VPS37C: variants seen among roughly 807,000 people sequenced by gnomAD.
VPS37C encodes VPS37C subunit of ESCRT-I.
A neutral mutation model predicts 16.1 loss-of-function variants in VPS37C; 9 were observed. That is an observed-to-expected ratio of 0.56 (90% CI 0.34 to 0.97). The LOEUF (loss-of-function observed/expected upper bound fraction) is 0.97. VPS37C is among the 50% of genes least tolerant of loss of function. VPS37C has a pLI of 0.02. For missense variants in VPS37C, 479 were observed against 472.7 expected (o/e 1.01, Z -0.12); for synonymous variants, 207 against 206.4 (o/e 1.00, Z -0.02).
At chr11:61,156,854 A>G (rs1003970961) in intron 1 of VPS37C, among the ~76,000 whole-genome samples, 18 of 152,186 alleles carry the variant, frequency 1.2e-4, no homozygotes, top group Non-Finnish European at 2.9e-5. Context: ...TCATCACCCT[A>G]AACTGAAATT....
At chr11:61,151,802 C>T (rs1302242913) in intron 1 of VPS37C, among the ~76,000 whole-genome samples, 1 of 152,188 alleles carries the variant, frequency 6.6e-6, no homozygotes, top group Non-Finnish European at 1.5e-5. Context: ...CATTCAGCGT[C>T]AATCAAAATG....
intron 4 of VPS37C, 46 bp from the exon 5 acceptor site, chr11:61,132,585 G>T (rs778876568): frequency 1.3e-6 from 2 of 1,522,560 alleles, no homozygotes; most frequent in Non-Finnish European, 1.8e-6. Context: ...CTGGGATCAA[G>T]GCCTCTTGAT....
intron 1 of VPS37C, among the ~76,000 whole-genome samples, chr11:61,149,157 A>G (rs1565195451): frequency 1.3e-5 from 2 of 152,308 alleles, no homozygotes; most frequent in East Asian, 1.9e-4. Flanking sequence ...GTGGTGGCAC[A>G]CGCCTGTAGT....
chr11:61,134,978 AGAG>A (rs1170421804), intron 2 of VPS37C, among the ~76,000 whole-genome samples: 2 of 152,230 alleles, frequency 1.3e-5, no homozygotes, highest in African/African-American at 4.8e-5. Flanking sequence ...CCTCTTCCTA[AGAG>A]GAGGGCTGAG....
At position 61,132,451 on chromosome 11, in the gene VPS37C, C is replaced by G; in HGVS notation, c.437G>C (p.Arg146Pro). Residue 146 changes from arginine to proline, a missense_variant, in exon 5 of 5, where the codon CGC becomes CCC. By Grantham distance (103) the Arg-to-Pro change is moderately radical. Transcript: ENST00000301765. ...CTGGAGCTTTTCCACGCGAACCCGGCGCAGGTGGGACAGCATCCTCATGGA... is the reference window on the plus strand; with the variant it reads ...CTGGAGCTTTTCCACGCGAACCCGGGGCAGGTGGGACAGCATCCTCATGGA... ...FSSMRMLSHL[R>P]RVRVEKLQEV... The G allele has an allele frequency of 1.2e-6, 2 of 1,613,056 alleles. No homozygotes were observed. The highest frequency in any genetic ancestry group is 1.7e-6 in the Non-Finnish European group (2 of 1,179,656).
intron 2 of VPS37C, among the ~76,000 whole-genome samples, chr11:61,137,552 A>C (rs1861399853): frequency 1.3e-5 from 2 of 152,214 alleles, no homozygotes. Flanking sequence ...AGTGCTTAAT[A>C]TGTGACAAAG....
intron 1 of VPS37C, among the ~76,000 whole-genome samples, chr11:61,146,661 C>A (rs628963): frequency 1.3e-5 from 2 of 152,198 alleles, no homozygotes; most frequent in Admixed American, 1.3e-4. Context: ...GGGGTGATAT[C>A]ATCAACTCGA....
At chr11:61,133,559 C>T (rs954795066) in intron 3 of VPS37C, among the ~76,000 whole-genome samples, 6 of 152,162 alleles carry the variant, frequency 3.9e-5, no homozygotes, top group Non-Finnish European at 8.8e-5. Flanking sequence ...GCCTACCCTA[C>T]GCCATCCTGG....
intron 1 of VPS37C, among the ~76,000 whole-genome samples, chr11:61,154,897 G>C (rs1198420979): frequency 6.6e-6 from 1 of 151,860 alleles, no homozygotes. Context: ...TTGAGCCCAG[G>C]AGTTTTCGAC....
In VPS37C at chr11:61,151,537, A is replaced by G. The variant is rs552830554; in HGVS notation, c.-7+9854T>C. On this transcript the variant is annotated intron_variant, in intron 1 of 4. Transcript: ENST00000301765. ...TCTCTGTGCCTCAGTGTCTTCTATAAGATGGAGCTTTTGTAAGGAGGAATT... is the reference window on the plus strand; with the variant it reads ...TCTCTGTGCCTCAGTGTCTTCTATAGGATGGAGCTTTTGTAAGGAGGAATT... Among the ~76,000 whole-genome samples the G allele has an allele frequency of 3.0e-4, 45 of 152,194 alleles. 1 individual carries two copies. The highest frequency in any genetic ancestry group is 5.7e-4 in the Non-Finnish European group (39 of 68,038).
At chr11:61,152,949 C>A (rs1430109206) in intron 1 of VPS37C, among the ~76,000 whole-genome samples, 10 of 152,210 alleles carry the variant, frequency 6.6e-5, no homozygotes, top group Non-Finnish European at 1.5e-4. Context: ...GTTCATCCTG[C>A]CTTCCATGGT....
chr11:61,134,078 G>A lies in VPS37C; in HGVS notation c.223C>T (p.Arg75Trp), dbSNP rs925976888. ...TCCTGGCACCGCTCCACGAGCTTCC[G>A]GAGCTCCTGGTATCTATCCGAGAGG... ...SNLSDRYQEL[R>W]KLVERCQEQK... is the part of the protein sequence containing the mutation. The change falls in exon 3 of 5, where the codon CGG becomes TGG. Residue 75 changes from arginine to tryptophan, a missense_variant. Arg to Trp is a moderately radical substitution (Grantham distance 101). Transcript: ENST00000301765. 1.4e-5 allele frequency: 22 copies of A among 1,613,196 alleles called. No individual in the cohort carries two copies. The highest frequency in any genetic ancestry group is 3.3e-4 in the Middle Eastern group (2 of 6,076).
chr11:61,146,582 G>T (rs925776655), intron 1 of VPS37C, among the ~76,000 whole-genome samples: 40 of 152,310 alleles, frequency 2.6e-4, no homozygotes, highest in African/African-American at 9.4e-4. Flanking sequence ...GCTGGGAGGG[G>T]AGGAGGAGGG....
chr11:61,155,952 G>A (rs1329173262), intron 1 of VPS37C, among the ~76,000 whole-genome samples: 6 of 151,812 alleles, frequency 4.0e-5, no homozygotes, highest in Non-Finnish European at 8.8e-5. Context: ...CAAAGTCCAG[G>A]AGGAAGGAAA....
chr11:61,152,527 C>T (rs968642401), intron 1 of VPS37C, among the ~76,000 whole-genome samples: 2 of 152,150 alleles, frequency 1.3e-5, no homozygotes, highest in African/African-American at 2.4e-5. Context: ...CCAGTAACCT[C>T]GAGAGAACAC....
At chr11:61,159,117 G>C (rs1014580100) in intron 1 of VPS37C, among the ~76,000 whole-genome samples, 1 of 152,210 alleles carries the variant, frequency 6.6e-6, no homozygotes, top group Non-Finnish European at 1.5e-5. Context: ...AGAGTGTCCA[G>C]AAATGATTCA....
chr11:61,131,131 C>T lies in VPS37C; in HGVS notation c.*689G>A, dbSNP rs1861247935. ...CAAGGCAGCCCCCTGGGTTCTCCAA[C>T]CACTGCAAGCAAGGTCTGGGGACAA... On this transcript the variant is annotated 3_prime_UTR_variant, in exon 5 of 5. Coordinates refer to ENST00000301765, the MANE Select transcript of VPS37C (RefSeq NM_017966.5). The T allele has an allele frequency of 4.4e-6, 1 of 227,566 alleles. No individual in the cohort carries two copies. 14.1% of individuals were successfully genotyped at this position (227,566 alleles called of 1,614,324 possible). A position where few individuals can be genotyped will look rare whatever the true frequency, so the allele number is the denominator to read the frequency against.
chr11:61,137,946 AT>A (rs1376975700), intron 2 of VPS37C, among the ~76,000 whole-genome samples: 1 of 152,122 alleles, frequency 6.6e-6, no homozygotes, highest in African/African-American at 2.4e-5. Context: ...GAACGTCATT[AT>A]TTTTTTCAAA....
intron 1 of VPS37C, among the ~76,000 whole-genome samples, chr11:61,142,740 C>T (rs1861492217): frequency 7.0e-6 from 1 of 142,104 alleles, no homozygotes; most frequent in South Asian, 2.2e-4. Flanking sequence ...TGGAAACCTC[C>T]AGGAGTCCCC....
Sources: allele counts gnomAD v4.1 joint callset (sites outside exome capture counted in the v4.1 genomes callset), GRCh38; gene constraint gnomAD v4.1.1; transcripts MANE v1.5; gene names NCBI Gene and HGNC (gene_info 2026-07-23, HGNC 2026-07-21).